ST18: variants seen among roughly 807,000 people sequenced by gnomAD.
ST18 encodes suppression of tumorigenicity 18 protein.
In ST18, 50 loss-of-function variants were observed where a neutral mutation model predicts 110.0. The observed-to-expected ratio is 0.45, with a 90% CI of 0.36 to 0.58. The LOEUF is 0.58. ST18 is among the 20% of genes least tolerant of loss of function. The pLI is 0.00. For missense variants in ST18, 1,306 were observed against 1,280.1 expected (o/e 1.02, Z -0.31); for synonymous variants, 461 against 452.4 (o/e 1.02, Z -0.24).
chr8:52,407,012 G>A (rs1844755866), intron 2 of ST18: 1 of 152,158 alleles, frequency 6.6e-6, no homozygotes, highest in South Asian at 2.1e-4. Flanking sequence ...ATCCTAATTA[G>A]CCTATAAGAA....
At chr8:52,391,850 A>G (rs1163436837) in intron 2 of ST18, among the ~76,000 whole-genome samples, 1 of 152,212 alleles carries the variant, frequency 6.6e-6, no homozygotes, top group Non-Finnish European at 1.5e-5. Context: ...TGGGATTTGA[A>G]CTATGACTTG....
intron 2 of ST18, among the ~76,000 whole-genome samples, chr8:52,315,455 G>T (rs919089795): frequency 3.3e-5 from 5 of 152,140 alleles, no homozygotes; most frequent in Non-Finnish European, 7.4e-5. Context: ...AGGCCAACTT[G>T]TATATTTCTA....
intron 2 of ST18, among the ~76,000 whole-genome samples, chr8:52,375,517 CT>C (rs1368918431): frequency 6.6e-6 from 1 of 152,152 alleles, no homozygotes; most frequent in African/African-American, 2.4e-5. Context: ...ACAACACACT[CT>C]GTTGTTTTTC....
intron 2 of ST18, among the ~76,000 whole-genome samples, chr8:52,345,248 G>C (rs1817200695): frequency 6.6e-6 from 1 of 152,004 alleles, no homozygotes; most frequent in Admixed American, 6.6e-5. Context: ...GATAAACCTA[G>C]ACTTGGGGAT....
intron 2 of ST18, 40 bp downstream of exon 2, chr8:52,409,288 A>G (rs1845607457): frequency 6.6e-6 from 1 of 152,248 alleles, no homozygotes; most frequent in African/African-American, 2.4e-5. Flanking sequence ...GTGCGATGTA[A>G]TAAAATAACT....
intron 18 of ST18, among the ~76,000 whole-genome samples, chr8:52,136,928 A>G (rs1401276119): frequency 2.0e-5 from 3 of 152,194 alleles, no homozygotes; most frequent in Non-Finnish European, 4.4e-5. Flanking sequence ...GGATGCAATG[A>G]TCACCCACAC....
At chr8:52,196,551 G>T (rs1009832189) in intron 8 of ST18, among the ~76,000 whole-genome samples, 6 of 152,124 alleles carry the variant, frequency 3.9e-5, no homozygotes, top group African/African-American at 1.4e-4. Flanking sequence ...GTCAACCGAG[G>T]TCTGAAAATA....
In ST18 at chr8:52,185,207, A is replaced by T. The variant is rs561219328; in HGVS notation, c.87-4895T>A. 1.9e-3 allele frequency among the ~76,000 whole-genome samples: 290 copies of T among 152,310 alleles called. 1 individual carries two copies. The highest frequency in any genetic ancestry group is 6.8e-3 in the Middle Eastern group (2 of 294). ...TTACAATAGCATAGAAATATGAAAT[A>T]CCTAGGAATAAATCTAACAGATGTA... On this transcript the variant is annotated intron_variant, in intron 8 of 25. Coordinates refer to ENST00000689386, the MANE Select transcript of ST18 (RefSeq NM_001352837.2).
chr8:52,137,351 A>C, intron 18 of ST18, 70 bp downstream of exon 18: 1 of 1,518,574 alleles, frequency 6.6e-7, no homozygotes, highest in Non-Finnish European at 9.1e-7. Flanking sequence ...ATGGATAGAA[A>C]GGGTGAGAAT....
At chr8:52,295,754 A>C (rs1433816757) in intron 2 of ST18, among the ~76,000 whole-genome samples, 1 of 149,282 alleles carries the variant, frequency 6.7e-6, no homozygotes, top group African/African-American at 2.5e-5. Flanking sequence ...AGCTCCAACA[A>C]TGTGTTAGCA....
At chr8:52,260,812 G>GA (rs1188748195) in intron 2 of ST18, among the ~76,000 whole-genome samples, 3 of 152,176 alleles carry the variant, frequency 2.0e-5, no homozygotes, top group African/African-American at 2.4e-5. Flanking sequence ...ATTCCGCTTA[G>GA]AAAAAACCCC....
At chr8:52,386,551 A>G (rs936494780) in intron 2 of ST18, among the ~76,000 whole-genome samples, 7 of 152,154 alleles carry the variant, frequency 4.6e-5, no homozygotes, top group African/African-American at 1.7e-4. Flanking sequence ...CTAATGTTAA[A>G]ACAAAATTGT....
intron 16 of ST18, among the ~76,000 whole-genome samples, chr8:52,144,602 T>C (rs2056564954): frequency 6.6e-6 from 1 of 152,188 alleles, no homozygotes; most frequent in Non-Finnish European, 1.5e-5. Context: ...TCAGATTACA[T>C]TAATGAAACC....
intron 7 of ST18, among the ~76,000 whole-genome samples, chr8:52,212,697 C>G (rs1008071803): frequency 6.6e-6 from 1 of 152,084 alleles, no homozygotes; most frequent in Non-Finnish European, 1.5e-5. Context: ...AAATACCTGC[C>G]TACACAAGGA....
chr8:52,116,889 G>A (rs997518948), intron 24 of ST18, among the ~76,000 whole-genome samples: 24 of 151,986 alleles, frequency 1.6e-4, no homozygotes, highest in African/African-American at 5.8e-4. Context: ...CCACCAGTGT[G>A]ACTGTGCTAC....
At chr8:52,398,301 A>G (rs1455344375) in intron 2 of ST18, among the ~76,000 whole-genome samples, 1 of 152,144 alleles carries the variant, frequency 6.6e-6, no homozygotes, top group Non-Finnish European at 1.5e-5. Context: ...TTCATTTATT[A>G]GTTTTAAGAG....
intron 8 of ST18, among the ~76,000 whole-genome samples, chr8:52,184,213 A>G (rs776735313): frequency 1.3e-5 from 2 of 152,206 alleles, no homozygotes; most frequent in Non-Finnish European, 2.9e-5. Context: ...AATGAGCTCT[A>G]TTATCTATAT....
intron 2 of ST18, among the ~76,000 whole-genome samples, chr8:52,232,974 A>G (rs1423960441): frequency 1.3e-5 from 2 of 152,138 alleles, no homozygotes; most frequent in African/African-American, 2.4e-5. Context: ...GAAAGATTTT[A>G]AAAGAATCAG....
intron 11 of ST18, among the ~76,000 whole-genome samples, chr8:52,165,816 G>A (rs2062789188): frequency 6.6e-6 from 1 of 152,220 alleles, no homozygotes; most frequent in South Asian, 2.1e-4. Context: ...TGAGAAGAAT[G>A]ATGTTAAGCA....
Sources: allele counts gnomAD v4.1 joint callset (sites outside exome capture counted in the v4.1 genomes callset), GRCh38; gene constraint gnomAD v4.1.1; transcripts MANE v1.5; gene names NCBI Gene and HGNC (gene_info 2026-07-23, HGNC 2026-07-21).